JADE1: variants seen among roughly 807,000 people sequenced by gnomAD.
The protein encoded by JADE1 is protein Jade-1.
A neutral mutation model predicts 81.8 loss-of-function variants in JADE1; 14 were observed. The observed-to-expected ratio is 0.17, with a 90% CI of 0.11 to 0.27. The LOEUF (loss-of-function observed/expected upper bound fraction) is 0.27. Among genes scored for constraint, JADE1 ranks in the 10% least tolerant of loss-of-function variants. The probability of loss-of-function intolerance (pLI) is 1.00; values close to 1 mark genes in which losing one functional copy is unlikely to be tolerated. For missense variants in JADE1, 690 were observed against 1,047.9 expected (o/e 0.66, Z 4.71); for synonymous variants, 353 against 391.9 (o/e 0.90, Z 1.17).
chr4:128,860,045 A>G (rs1446388675), intron 8 of JADE1, among the ~76,000 whole-genome samples: 1 of 152,146 alleles, frequency 6.6e-6, no homozygotes, highest in Non-Finnish European at 1.5e-5. Flanking sequence ...GCTGCAGTTC[A>G]TTTCTCTTTA....
Position 128,861,958 on chromosome 4 carries a change from G to A in JADE1, c.1236G>A (p.Arg412=). The A allele has an allele frequency of 6.2e-7, 1 of 1,614,134 alleles. No individual in the cohort carries two copies. Among genetic ancestry groups the A allele is most frequent in the African/African-American group, 1.3e-5 (1 of 75,026 alleles). ...AGCAGAACCGGGAGGAGGCCCACCG[G>A]GTGAGTGTCCGTAAGCAGAAGCTGC... ...SLEQNREEAH[R]VSVRKQKLQQ... is the part of the protein sequence containing the mutation. The change falls in exon 9 of 11, where the codon CGG becomes CGA. Residue 412 remains arginine (R), a synonymous_variant. Coordinates refer to ENST00000226319, the MANE Select transcript of JADE1 (RefSeq NM_199320.4).
intron 2 of JADE1, among the ~76,000 whole-genome samples, chr4:128,833,397 CTACATTAAT>C (rs1372423406): frequency 2.6e-5 from 4 of 152,138 alleles, no homozygotes; most frequent in Non-Finnish European, 2.9e-5. Context: ...TAATTTTGTC[CTACATTAAT>C]TAAAAAAAAT....
intron 2 of JADE1, among the ~76,000 whole-genome samples, chr4:128,833,216 G>A (rs1560740370): frequency 6.6e-6 from 1 of 152,110 alleles, no homozygotes; most frequent in Non-Finnish European, 1.5e-5. Flanking sequence ...CTTCTGAGGC[G>A]CTTGTTGTTT....
intron 2 of JADE1, among the ~76,000 whole-genome samples, chr4:128,841,587 G>A (rs1463721731): frequency 6.6e-6 from 1 of 152,210 alleles, no homozygotes; most frequent in Admixed American, 6.5e-5. Flanking sequence ...GTTGAGCTCA[G>A]TTTTTATAAT....
intron 1 of JADE1, among the ~76,000 whole-genome samples, chr4:128,813,175 A>G (rs986004916): frequency 4.6e-5 from 7 of 152,292 alleles, no homozygotes; most frequent in Non-Finnish European, 7.4e-5. Context: ...TCATATCACA[A>G]CTGATCAAGA....
chr4:128,813,407 CTTTTTTTTT>C (rs72296886), intron 1 of JADE1, among the ~76,000 whole-genome samples: 6 of 115,570 alleles, frequency 5.2e-5, no homozygotes, highest in Admixed American at 9.7e-5. Context: ...CTTACGGTCA[CTTTTTTTTT>C]TTTTTTTTTT....
chr4:128,859,273 T>G (rs1217185985), intron 8 of JADE1, among the ~76,000 whole-genome samples: 2 of 151,696 alleles, frequency 1.3e-5, no homozygotes, highest in African/African-American at 4.9e-5. Flanking sequence ...GGGGTGTGAG[T>G]GTGCATGTGG....
intron 9 of JADE1, chr4:128,863,896 T>C: frequency 1.0e-6 from 1 of 985,440 alleles, no homozygotes; most frequent in Non-Finnish European, 1.2e-6. Flanking sequence ...TGTCTCACAA[T>C]CACCACAAAA....
intron 9 of JADE1, chr4:128,862,794 G>A: frequency 1.0e-6 from 1 of 1,001,060 alleles, no homozygotes; most frequent in Non-Finnish European, 1.2e-6. Context: ...GAGCAGAGCA[G>A]GCAGTGGGTG....
chr4:128,867,154 A>G (rs1460914547), intron 9 of JADE1, among the ~76,000 whole-genome samples: 1 of 152,236 alleles, frequency 6.6e-6, no homozygotes, highest in East Asian at 1.9e-4. Context: ...GTGATGATGC[A>G]GAGAACTGGA....
At chr4:128,849,765 G>A (rs1339425957) in intron 5 of JADE1, among the ~76,000 whole-genome samples, 2 of 152,134 alleles carry the variant, frequency 1.3e-5, no homozygotes, top group Non-Finnish European at 2.9e-5. Flanking sequence ...TCATTTTAGC[G>A]TATGTAGACG....
intron 1 of JADE1, among the ~76,000 whole-genome samples, chr4:128,829,642 T>C (rs981490227): frequency 2.0e-5 from 3 of 152,188 alleles, no homozygotes; most frequent in Non-Finnish European, 4.4e-5. Flanking sequence ...CTGATGTTGA[T>C]ATTTTTATGT....
chr4:128,868,981 A>T (rs186679483), intron 10 of JADE1, among the ~76,000 whole-genome samples: 6 of 152,166 alleles, frequency 3.9e-5, no homozygotes, highest in Non-Finnish European at 4.4e-5. Context: ...TTGTCACTCC[A>T]TCTAGATTAT....
At chr4:128,863,216 G>A (rs1731509967) in intron 9 of JADE1, 1 of 985,504 alleles carries the variant, frequency 1.0e-6, no homozygotes, top group Non-Finnish European at 1.2e-6. Context: ...GCTGCCTCCC[G>A]CTAGGGCCTC....
At chr4:128,863,801 C>T in intron 9 of JADE1, 3 of 985,448 alleles carry the variant, frequency 3.0e-6, no homozygotes, top group South Asian at 4.7e-5. Context: ...CAGCCCGACA[C>T]CTGCTGTAAT....
At chr4:128,823,276 T>G (rs1727745422) in intron 1 of JADE1, among the ~76,000 whole-genome samples, 1 of 152,202 alleles carries the variant, frequency 6.6e-6, no homozygotes, top group African/African-American at 2.4e-5. Flanking sequence ...ATTGGATTAT[T>G]TATACATTGG....
At chr4:128,852,319 C>T (rs937565119) in intron 6 of JADE1, 51 bp downstream of exon 6, 7 of 1,464,680 alleles carry the variant, frequency 4.8e-6, no homozygotes, top group African/African-American at 4.2e-5. Flanking sequence ...ATGAGCCTGT[C>T]TGCTGTGGGA....
At chr4:128,829,867 GTGGTTCTC>G (rs2125823651) in intron 1 of JADE1, among the ~76,000 whole-genome samples, 1 of 151,972 alleles carries the variant, frequency 6.6e-6, no homozygotes, top group African/African-American at 2.4e-5. Context: ...TTCTATCACA[GTGGTTCTC>G]CACATTTTTC....
chr4:128,813,049 A>G (rs1726624713), intron 1 of JADE1, among the ~76,000 whole-genome samples: 1 of 152,240 alleles, frequency 6.6e-6, no homozygotes, highest in South Asian at 2.1e-4. Flanking sequence ...GCTCAAGGCT[A>G]ATACCTTTCA....
Sources: allele counts gnomAD v4.1 joint callset (sites outside exome capture counted in the v4.1 genomes callset), GRCh38; gene constraint gnomAD v4.1.1; transcripts MANE v1.5; gene names NCBI Gene and HGNC (gene_info 2026-07-23, HGNC 2026-07-21).